Variants in EFHB observed in about 807,000 individuals in gnomAD.
EFHB encodes the protein EF-hand domain-containing family member B.
EFHB carries 91 observed loss-of-function variants against 87.2 expected under a neutral mutation model. The observed-to-expected ratio is 1.04, with a 90% CI of 0.88 to 1.24. The LOEUF is 1.24. Among genes scored for constraint, EFHB ranks in the 50% most tolerant of loss-of-function variants. The probability of loss-of-function intolerance (pLI) is 0.00; values close to 1 mark genes in which losing one functional copy is unlikely to be tolerated. For synonymous variants in EFHB, 325 were observed against 333.6 expected, an observed-to-expected ratio of 0.97 and a Z score of 0.28; for missense variants, 1,084 against 998.8, an observed-to-expected ratio of 1.09 and a Z score of -1.15.
chr3:19,889,508 G>A (rs1048843782), intron 9 of EFHB, among the ~76,000 whole-genome samples: 13 of 152,276 alleles, frequency 8.5e-5, no homozygotes, highest in South Asian at 2.1e-4. Flanking sequence ...GAGTCACTGC[G>A]TAGTATTTAA....
chr3:19,880,423 T>C (rs1259283311), intron 12 of EFHB, among the ~76,000 whole-genome samples: 1 of 152,002 alleles, frequency 6.6e-6, no homozygotes, highest in Non-Finnish European at 1.5e-5. Flanking sequence ...CCAATTTTTT[T>C]GTATTTGTAG....
chr3:19,888,741 G>C lies in EFHB; in HGVS notation c.1726-90C>G, dbSNP rs1241966921. 3.8e-6 allele frequency: 4 copies of C among 1,055,322 alleles called. No individual in the cohort carries two copies. The African/African-American group carries it at 6.5e-5, about 17-fold the overall frequency. The allele number at this position is 1,055,322 out of a possible 1,614,324, so 65.4% of individuals were successfully genotyped here. On this transcript the variant is annotated intron_variant, in intron 9 of 12. Coordinates refer to ENST00000295824, the MANE Select transcript of EFHB (RefSeq NM_144715.4). ...TATTTAGTTTAAGAAAAAAGAAATAGCTTCATCACATAAATTCAAATTTGT... is the reference window on the plus strand; with the variant it reads ...TATTTAGTTTAAGAAAAAAGAAATACCTTCATCACATAAATTCAAATTTGT...
intron 9 of EFHB, 100 bp downstream of exon 9, chr3:19,896,587 A>T: frequency 6.8e-7 from 1 of 1,479,310 alleles, no homozygotes; most frequent in Non-Finnish European, 9.4e-7. Flanking sequence ...AGTGGGCTGG[A>T]TTTGGCCCAC....
At chr3:19,928,740 C>T (rs896585367) in intron 1 of EFHB, among the ~76,000 whole-genome samples, 2 of 152,162 alleles carry the variant, frequency 1.3e-5, no homozygotes, top group South Asian at 2.1e-4. Flanking sequence ...CCACCGTGCC[C>T]GTCCAAAAGA....
At chr3:19,880,254 A>C (rs1574984003) in intron 12 of EFHB, among the ~76,000 whole-genome samples, 1 of 134,000 alleles carries the variant, frequency 7.5e-6, no homozygotes, top group East Asian at 2.1e-4. Context: ...TTATTTATTT[A>C]TTTATTTATT....
In EFHB at chr3:19,933,627, C is replaced by A. The variant is rs1325315050; in HGVS notation, c.392G>T (p.Gly131Val). 3.7e-6 allele frequency: 6 copies of A among 1,614,018 alleles called. No homozygotes were observed. The Admixed American group carries it at 8.3e-5, about 22-fold the overall frequency. Reference sequence around the variant, plus strand: ...AGCCTGTGAACTTCCACACACCCTGCCCAAAGGAGGCTGTATTATCCGTTC... The same window carrying A: ...AGCCTGTGAACTTCCACACACCCTGACCAAAGGAGGCTGTATTATCCGTTC... ...THERIIQPPL[G>V]RVCGSSQAAG... The change falls in exon 1 of 13, where the codon GGC becomes GTC. Residue 131 changes from glycine to valine, a missense_variant. Physicochemically the swap from Gly to Val is moderately radical, Grantham distance 109. Coordinates refer to ENST00000295824, the MANE Select transcript of EFHB (RefSeq NM_144715.4).
rs758950065 is a variant in EFHB at position 19,882,672 on chromosome 3, G to A, written c.2206C>T (p.Arg736Cys). The change falls in exon 12 of 13, where the codon CGC (arginine) becomes TGC (cysteine). Residue 736 changes from arginine to cysteine, a missense_variant. By Grantham distance (180) the Arg-to-Cys change is radical. Coordinates refer to ENST00000295824, the MANE Select transcript of EFHB (RefSeq NM_144715.4). ...CCATAATTAGTTCTGTCACTGATGCGACGAATTCGGGGAGCAGGAATGTCA... is the reference window on the plus strand; with the variant it reads ...CCATAATTAGTTCTGTCACTGATGCAACGAATTCGGGGAGCAGGAATGTCA... ...RSDIPAPRIR[R>C]ISDRTNYGEE... The A allele has an allele frequency of 1.1e-5, 18 of 1,613,550 alleles. No homozygotes were observed. The highest frequency in any genetic ancestry group is 2.2e-5 in the South Asian group (2 of 91,028).
intron 9 of EFHB, 88 bp from the exon 10 acceptor site, chr3:19,888,739 T>C: frequency 9.3e-7 from 1 of 1,070,638 alleles, no homozygotes; most frequent in Non-Finnish European, 1.3e-6. Flanking sequence ...AAAAAAGAAA[T>C]AGCTTCATCA....
At chr3:19,881,768 C>T (rs762201057) in intron 12 of EFHB, among the ~76,000 whole-genome samples, 4 of 152,042 alleles carry the variant, frequency 2.6e-5, no homozygotes, top group Non-Finnish European at 4.4e-5. Context: ...GAAAAGACAT[C>T]GTATGTCTTT....
chr3:19,926,347 T>C (rs981638409), intron 1 of EFHB, among the ~76,000 whole-genome samples: 1 of 151,384 alleles, frequency 6.6e-6, no homozygotes, highest in Non-Finnish European at 1.5e-5. Flanking sequence ...GTTTTTTTTG[T>C]TTTTTGGGGT....
At chr3:19,931,743 G>A (rs763871009) in intron 1 of EFHB, among the ~76,000 whole-genome samples, 1 of 151,926 alleles carries the variant, frequency 6.6e-6, no homozygotes, top group Non-Finnish European at 1.5e-5. Context: ...TTAATCATCC[G>A]GGTTTCCTTC....
chr3:19,934,417 C>T (rs9758362), upstream of EFHB, among the ~76,000 whole-genome samples: 29,470 of 132,128 alleles, frequency 0.22, 3,656 homozygotes, highest in Middle Eastern at 0.28. Flanking sequence ...CCTCTCTCTC[C>T]CTCTCCTCTC....
intron 1 of EFHB, among the ~76,000 whole-genome samples, chr3:19,928,480 C>T (rs1213970570): frequency 6.6e-6 from 1 of 152,190 alleles, no homozygotes. Context: ...GAGGCGGAGT[C>T]TCGCTCTGTC....
In EFHB at chr3:19,920,645, T is replaced by C. The variant is rs547568001; in HGVS notation, c.790-78A>G. On this transcript the variant is annotated intron_variant, in intron 1 of 12. Coordinates refer to ENST00000295824, the MANE Select transcript of EFHB (RefSeq NM_144715.4). ...TGAAGAATGAAATTTATTTCAAACT[T>C]GTCCTATGCCTCTGAGGCTACAAAG... The C allele has an allele frequency of 2.0e-5, 24 of 1,184,152 alleles. No homozygotes were observed. In the South Asian group the frequency reaches 3.3e-4, roughly 16 times the overall value. The allele number at this position is 1,184,152 out of a possible 1,614,324, so 73.4% of individuals were successfully genotyped here. A position where few individuals can be genotyped will look rare whatever the true frequency, so the allele number is the denominator to read the frequency against.
Position 19,879,606 on chromosome 3 carries a change from C to T in EFHB, c.*25G>A. The T allele has an allele frequency of 2.6e-6, 4 of 1,526,746 alleles. No homozygotes were observed. In the South Asian group the frequency reaches 5.2e-5, roughly 20 times the overall value. 94.6% of individuals were successfully genotyped at this position (1,526,746 alleles called of 1,614,324 possible). The stretch of plus-strand genomic sequence containing the variant: ...AAACACAGAGTTAATAATTCTTTTG[C>T]TTGAATGAATGAAGTCCAAAAATAT... On this transcript the variant is annotated 3_prime_UTR_variant, in exon 13 of 13. Transcript: ENST00000295824.
chr3:19,902,710 T>C lies in EFHB; in HGVS notation c.1418+2910A>G, dbSNP rs181599963. Among the ~76,000 whole-genome samples the C allele has an allele frequency of 1.2e-3, 176 of 152,246 alleles. 3 individuals carry two copies. Among genetic ancestry groups the C allele is most frequent in the Non-Finnish European group, 1.9e-4 (13 of 68,020 alleles). On this transcript the variant is annotated intron_variant, in intron 6 of 12. Transcript: ENST00000295824. ...CCATAAAAGTTGAGAGTAAACCAAA[T>C]TTACATTAAATCGTGCATATAAAAT...
At chr3:19,940,386 CT>C (rs1407731271) in intron 1 of EFHB, 1 of 426,266 alleles carries the variant, frequency 2.3e-6, no homozygotes, top group African/African-American at 2.0e-5. Context: ...TGCAGACTCT[CT>C]CCAGCTCTTT....
intron 4 of EFHB, among the ~76,000 whole-genome samples, chr3:19,916,247 G>T (rs1015828781): frequency 3.9e-5 from 6 of 152,160 alleles, no homozygotes; most frequent in Admixed American, 3.9e-4. Context: ...GGGCTCAGTG[G>T]CTCAGGCCTG....
intron 1 of EFHB, 88 bp downstream of exon 1, chr3:19,933,142 A>C: frequency 6.9e-7 from 1 of 1,440,028 alleles, no homozygotes; most frequent in Non-Finnish European, 9.2e-7. Context: ...TGTCTCTTCA[A>C]ACCAAAACAA....
Sources: allele counts gnomAD v4.1 joint callset (sites outside exome capture counted in the v4.1 genomes callset), GRCh38; gene constraint gnomAD v4.1.1; transcripts MANE v1.5; gene names NCBI Gene and HGNC (gene_info 2026-07-23, HGNC 2026-07-21).